RNF220: variants seen among roughly 807,000 people sequenced by gnomAD.
The protein encoded by RNF220 is E3 ubiquitin-protein ligase RNF220.
Under a neutral mutation model 67.1 loss-of-function variants are expected in RNF220, and 7 were observed. That is an observed-to-expected ratio of 0.10 (90% CI 0.06 to 0.20). RNF220 has a LOEUF of 0.20. Among genes scored for constraint, RNF220 ranks in the 10% least tolerant of loss-of-function variants. The pLI is 1.00. For missense variants in RNF220, 565 were observed against 740.3 expected (o/e 0.76, Z 2.75); for synonymous variants, 270 against 283.2 (o/e 0.95, Z 0.47).
chr1:44,650,924 T>C lies in RNF220; in HGVS notation c.*149T>C, dbSNP rs144207541. 8.3e-4 allele frequency: 580 copies of C among 695,208 alleles called. 2 individuals carry two copies. The highest frequency in any genetic ancestry group is 6.1e-3 in the African/African-American group (348 of 57,226). 43.1% of individuals were successfully genotyped at this position (695,208 alleles called of 1,614,324 possible). Reference sequence around the variant, plus strand: ...CAAACATGCGTACACACACACACATTTACACACGCAGGACTCTGGAGCCAG... The same window carrying C: ...CAAACATGCGTACACACACACACATCTACACACGCAGGACTCTGGAGCCAG... On this transcript the variant is annotated 3_prime_UTR_variant, in exon 15 of 15. Transcript: ENST00000361799. The surrounding 1 kb of genome is among the most constrained non-coding windows in gnomAD (Gnocchi z 4.3).
chr1:44,536,584 C>T (rs1341766141), intron 2 of RNF220, among the ~76,000 whole-genome samples: 1 of 152,196 alleles, frequency 6.6e-6, no homozygotes, highest in Non-Finnish European at 1.5e-5. Context: ...TCCTCTGGGG[C>T]TGCGGAGCTG....
intron 2 of RNF220, among the ~76,000 whole-genome samples, chr1:44,438,926 A>AT (rs1651267211): frequency 6.6e-6 from 1 of 152,202 alleles, no homozygotes; most frequent in Admixed American, 6.5e-5. Flanking sequence ...GTATGTCAAC[A>AT]TAAATCTCCA....
rs114014352 is a variant in RNF220 at position 44,613,646 on chromosome 1, G to T, written c.626-519G>T. Among the ~76,000 whole-genome samples, 1,289 of 152,288 alleles carry T rather than the reference G, an allele frequency of 8.5e-3. 16 individuals are homozygous for T. Among genetic ancestry groups the T allele is most frequent in the African/African-American group, 0.029 (1,215 of 41,560 alleles). ...AATCCCAGCACTTTGGGAGACCAAG[G>T]CTGGCAGATGACTTGAGGCCAGGAG... On this transcript the variant is annotated intron_variant, in intron 2 of 14. Transcript: ENST00000361799.
intron 2 of RNF220, among the ~76,000 whole-genome samples, chr1:44,464,865 C>G (rs1408255014): frequency 6.6e-6 from 1 of 152,212 alleles, no homozygotes; most frequent in African/African-American, 2.4e-5. Context: ...TTTCCTGATT[C>G]ATCATTCATA....
rs139510807 is a variant in RNF220 at position 44,469,360 on chromosome 1, G to A, written c.625+56638G>A. Among the ~76,000 whole-genome samples the A allele has an allele frequency of 2.7e-3, 406 of 152,264 alleles. 2 individuals are homozygous for A. The highest frequency in any genetic ancestry group is 9.1e-3 in the African/African-American group (378 of 41,546). ...TTAATTCTTTATGGTACCCAGTGGA[G>A]GTGTATAGATAAGGCCAGGCAAACC... On this transcript the variant is annotated intron_variant, in intron 2 of 14. Transcript: ENST00000361799.
Position 44,493,732 on chromosome 1 carries a change from C to T in RNF220, c.625+81010C>T, listed in dbSNP as rs186243924. ...GCATGCACCTGTAGTTCCAGCTACT[C>T]GGGAAGCTAAGGTTGGAGGATCATT... On this transcript the variant is annotated intron_variant, in intron 2 of 14. Transcript: ENST00000361799. 4.7e-3 allele frequency among the ~76,000 whole-genome samples: 720 copies of T among 152,018 alleles called. 2 individuals carry two copies. Among genetic ancestry groups the T allele is most frequent in the Non-Finnish European group, 8.3e-3 (563 of 67,978 alleles).
chr1:44,519,660 AGTAAGCGG>A (rs1462578801), intron 2 of RNF220, among the ~76,000 whole-genome samples: 1 of 152,230 alleles, frequency 6.6e-6, no homozygotes, highest in Non-Finnish European at 1.5e-5. Context: ...CACGGACAGT[AGTAAGCGG>A]CCCAAGTTGT....
chr1:44,453,908 G>A, intron 2 of RNF220, among the ~76,000 whole-genome samples: 1 of 152,058 alleles, frequency 6.6e-6, no homozygotes, highest in East Asian at 1.9e-4. Flanking sequence ...TTAAAATGGA[G>A]AAAATTTTAA....
chr1:44,632,354 A>T lies in RNF220; in HGVS notation c.918A>T (p.Arg306=). 1.2e-6 allele frequency: 2 copies of T among 1,613,978 alleles called. No homozygotes were observed. Among genetic ancestry groups the T allele is most frequent in the East Asian group, 2.2e-5 (1 of 44,874 alleles). Reference sequence around the variant, plus strand: ...CGATCTTCTCCCAGACCTTTCTGCGAGTACGAGCCAACCGGCAGACCCGAC... The same window carrying T: ...CGATCTTCTCCCAGACCTTTCTGCGTGTACGAGCCAACCGGCAGACCCGAC... ...HHSDRYQTFL[R]VRANRQTRLN... is the part of the protein sequence containing the mutation. Residue 306 remains arginine (R), a synonymous_variant, in exon 6 of 15, where the codon CGA becomes CGT. Coordinates refer to ENST00000361799, the MANE Select transcript of RNF220 (RefSeq NM_018150.4).
At chr1:44,460,178 T>A (rs1182274603) in intron 2 of RNF220, among the ~76,000 whole-genome samples, 1 of 152,168 alleles carries the variant, frequency 6.6e-6, no homozygotes, top group East Asian at 1.9e-4. Context: ...TTCAGGTCAT[T>A]GGTTGAGGGC....
intron 2 of RNF220, among the ~76,000 whole-genome samples, chr1:44,597,449 T>C (rs534511333): frequency 7.9e-4 from 102 of 128,522 alleles, no homozygotes; most frequent in Admixed American, 2.0e-3. Flanking sequence ...ATACACGCCC[T>C]TCTCTCTCTC....
rs1226230500 is a variant in RNF220 at position 44,412,674 on chromosome 1, A to G, written c.577A>G (p.Ile193Val). The G allele has an allele frequency of 1.2e-6, 2 of 1,614,092 alleles. No homozygotes were observed. The highest frequency in any genetic ancestry group is 8.5e-7 in the Non-Finnish European group (1 of 1,180,018). ...GAAGATTTTTGCTGTCTCTGGCCTCATTTCTGATCGGGAAGCCTCATCTAG... is the reference window on the plus strand; with the variant it reads ...GAAGATTTTTGCTGTCTCTGGCCTCGTTTCTGATCGGGAAGCCTCATCTAG... ...GKKIFAVSGL[I>V]SDREASSSPE... The change falls in exon 2 of 15, where the codon ATT becomes GTT. Residue 193 changes from isoleucine (I) to valine (V), a missense_variant. Ile to Val is a conservative substitution (Grantham distance 29). Coordinates refer to ENST00000361799, the MANE Select transcript of RNF220 (RefSeq NM_018150.4). The surrounding 1 kb of genome is among the most constrained non-coding windows in gnomAD (Gnocchi z 5.3).
In RNF220 at chr1:44,635,529, CG is replaced by C; in HGVS notation, c.950-14del. On this transcript the variant is annotated splice_polypyrimidine_tract_variant and intron_variant, in intron 6 of 14. Coordinates refer to ENST00000361799, the MANE Select transcript of RNF220 (RefSeq NM_018150.4). Reference sequence around the variant, plus strand: ...GTCTGCTTGTTCTGTGCTTTGTTTTCGGTTTCCCCGTGCAGCTCGGATTGGG... The same window carrying C: ...GTCTGCTTGTTCTGTGCTTTGTTTTCGTTTCCCCGTGCAGCTCGGATTGGG... The C allele has an allele frequency of 6.2e-7, 1 of 1,611,778 alleles. No individual in the cohort carries two copies. Among genetic ancestry groups the C allele is most frequent in the Non-Finnish European group, 8.5e-7 (1 of 1,178,994 alleles).
At chr1:44,536,926 A>C (rs563821240) in intron 2 of RNF220, among the ~76,000 whole-genome samples, 1 of 152,284 alleles carries the variant, frequency 6.6e-6, no homozygotes, top group African/African-American at 2.4e-5. Context: ...GAAATGGCAG[A>C]GCAAACAGTC....
intron 2 of RNF220, among the ~76,000 whole-genome samples, chr1:44,448,488 C>A (rs954760765): frequency 1.3e-5 from 2 of 152,194 alleles, no homozygotes; most frequent in East Asian, 1.9e-4. Flanking sequence ...TGCAGCCAAC[C>A]TGCTGCTCCA....
chr1:44,436,426 A>AAG (rs10640348), intron 2 of RNF220, among the ~76,000 whole-genome samples: 109,566 of 151,364 alleles, frequency 0.72, 39,787 homozygotes, highest in East Asian at 0.81. Flanking sequence ...GTGTGAGCAA[A>AAG]AGAGAGAATA....
At chr1:44,632,118 C>T (rs1644155594) in intron 5 of RNF220, 9 of 1,490,166 alleles carry the variant, frequency 6.0e-6, no homozygotes, top group South Asian at 2.5e-5. Flanking sequence ...CACCGCGCAG[C>T]GGCCACGGGG....
chr1:44,530,332 G>A (rs1660735499), intron 2 of RNF220, among the ~76,000 whole-genome samples: 1 of 152,056 alleles, frequency 6.6e-6, no homozygotes, highest in Admixed American at 6.6e-5. Flanking sequence ...ACTACAATGG[G>A]TTACCACTGT....
chr1:44,615,343 G>A (rs1643498321), intron 3 of RNF220, among the ~76,000 whole-genome samples: 1 of 152,140 alleles, frequency 6.6e-6, no homozygotes, highest in African/African-American at 2.4e-5. Context: ...AATTCAAGGG[G>A]AGAGGACATA....
Sources: allele counts gnomAD v4.1 joint callset (sites outside exome capture counted in the v4.1 genomes callset), GRCh38; gene constraint gnomAD v4.1.1; non-coding constraint Gnocchi (gnomAD v3.1); transcripts MANE v1.5; gene names NCBI Gene and HGNC (gene_info 2026-07-23, HGNC 2026-07-21).